Variants in STAT3 observed in about 807,000 individuals in gnomAD.
STAT3 encodes the protein signal transducer and activator of transcription 3, also known as DNA-binding protein APRF.
A neutral mutation model predicts 114.3 loss-of-function variants in STAT3; 7 were observed. The observed-to-expected ratio is 0.06, with a 90% CI of 0.03 to 0.11. The LOEUF is 0.11. STAT3 is among the 10% of genes least tolerant of loss of function. The probability of loss-of-function intolerance (pLI) is 1.00; values close to 1 mark genes in which losing one functional copy is unlikely to be tolerated. For synonymous variants in STAT3, 331 were observed against 354.5 expected (o/e 0.93, Z 0.74); for missense variants, 364 against 960.9 (o/e 0.38, Z 8.21).
At chr17:42,326,345 A>C (rs1316068781) in intron 14 of STAT3, 146 bp from the exon 15 acceptor site, 1 of 692,334 alleles carries the variant, frequency 1.4e-6, no homozygotes, top group East Asian at 2.9e-5. Flanking sequence ...CCATCTCTGC[A>C]AAAAATACAA....
intron 1 of STAT3, among the ~76,000 whole-genome samples, chr17:42,364,519 CTATG>C (rs1285100809): frequency 1.3e-5 from 2 of 152,158 alleles, no homozygotes; most frequent in African/African-American, 4.8e-5. Flanking sequence ...ATCTAAAATG[CTATG>C]TAAGTCATTA....
chr17:42,373,958 AAAT>A (rs2145290022), intron 1 of STAT3: 1 of 152,340 alleles, frequency 6.6e-6, no homozygotes, highest in East Asian at 1.9e-4. Context: ...CATAAAGTTT[AAAT>A]AATAGTCAAG....
At chr17:42,315,892 C>T in intron 23 of STAT3, 92 bp from the exon 24 acceptor site, 1 of 1,607,354 alleles carries the variant, frequency 6.2e-7, no homozygotes. Flanking sequence ...AGGGCCCAGG[C>T]TACCACTGCT....
At chr17:42,356,360 G>A (rs1230183166) in intron 1 of STAT3, among the ~76,000 whole-genome samples, 1 of 151,950 alleles carries the variant, frequency 6.6e-6, no homozygotes, top group East Asian at 1.9e-4. Flanking sequence ...GAGGCTGAGG[G>A]GGGAGGATCA....
chr17:42,325,917 C>T (rs1454463754), intron 15 of STAT3, among the ~76,000 whole-genome samples, 199 bp downstream of exon 15: 1 of 152,206 alleles, frequency 6.6e-6, no homozygotes, highest in Non-Finnish European at 1.5e-5. Context: ...TGAATATACA[C>T]ACATCTTCTA....
chr17:42,345,535 G>A (rs1479356721), intron 4 of STAT3, 24 bp downstream of exon 4: 1 of 1,577,628 alleles, frequency 6.3e-7, no homozygotes, highest in African/African-American at 1.4e-5. Context: ...CCAGACCAGG[G>A]ATTTGTTTTG....
At chr17:42,366,927 G>A (rs952510290) in intron 1 of STAT3, among the ~76,000 whole-genome samples, 81 of 152,126 alleles carry the variant, frequency 5.3e-4, no homozygotes, top group Non-Finnish European at 8.8e-4. Context: ...GATAAATTAA[G>A]GTCAGGAGTT....
intron 8 of STAT3, among the ~76,000 whole-genome samples, chr17:42,336,363 C>T (rs532343080): frequency 2.0e-5 from 3 of 152,126 alleles, no homozygotes; most frequent in South Asian, 2.1e-4. Context: ...TTTGAGAGGC[C>T]GAAGTGGGAT....
chr17:42,379,784 A>G (rs908788037), intron 1 of STAT3, among the ~76,000 whole-genome samples: 3 of 152,212 alleles, frequency 2.0e-5, no homozygotes, highest in African/African-American at 7.2e-5. Flanking sequence ...GAGATTTATC[A>G]GAAGGGCATT....
chr17:42,327,854 T>A (rs1352508536), intron 14 of STAT3, among the ~76,000 whole-genome samples: 1 of 152,140 alleles, frequency 6.6e-6, no homozygotes, highest in African/African-American at 2.4e-5. Flanking sequence ...AAGACCAGCC[T>A]GACCAATATG....
intron 1 of STAT3, among the ~76,000 whole-genome samples, chr17:42,373,783 G>A (rs1242558089): frequency 6.6e-6 from 1 of 151,308 alleles, no homozygotes; most frequent in Non-Finnish European, 1.5e-5. Flanking sequence ...TAGTCAGGAG[G>A]CTGAGGCAGG....
intron 14 of STAT3, among the ~76,000 whole-genome samples, chr17:42,327,355 A>G (rs1022316348): frequency 2.6e-5 from 4 of 152,154 alleles, no homozygotes; most frequent in Non-Finnish European, 5.9e-5. Context: ...ACATTTGTGA[A>G]CCTTACACTT....
At chr17:42,345,427 T>C in intron 4 of STAT3, 132 bp downstream of exon 4, 1 of 773,222 alleles carries the variant, frequency 1.3e-6, no homozygotes, top group Non-Finnish European at 2.1e-6. Flanking sequence ...TTTTTCAATG[T>C]ATTTTTATGA....
At chr17:42,366,603 G>A (rs778531115) in intron 1 of STAT3, among the ~76,000 whole-genome samples, 43 of 150,786 alleles carry the variant, frequency 2.9e-4, no homozygotes, top group Non-Finnish European at 4.9e-4. Flanking sequence ...CCCAGGAGGC[G>A]GAGGTTGTAG....
At chr17:42,347,129 G>C (rs969038543) in intron 2 of STAT3, among the ~76,000 whole-genome samples, 8 of 147,638 alleles carry the variant, frequency 5.4e-5, no homozygotes, top group Non-Finnish European at 7.4e-5. Flanking sequence ...CAGAGGTGCA[G>C]TGAGCCGAGA....
At chr17:42,365,462 G>C (rs371780699) in intron 1 of STAT3, among the ~76,000 whole-genome samples, 1 of 152,018 alleles carries the variant, frequency 6.6e-6, no homozygotes, top group Non-Finnish European at 1.5e-5. Flanking sequence ...CGGCATCTTC[G>C]AACATAGTCA....
Position 42,315,555 on chromosome 17 carries a change from C to G in STAT3, c.*190G>C. ...TGCATTTAGATAAAAGCAGATCACC[C>G]ACATTCACTCATTTCTCTATTTTTA... On this transcript the variant is annotated 3_prime_UTR_variant, in exon 24 of 24. Transcript: ENST00000264657. 2 of 653,062 alleles carry G rather than the reference C, an allele frequency of 3.1e-6. No individual in the cohort carries two copies. The highest frequency in any genetic ancestry group is 5.5e-6 in the Non-Finnish European group (2 of 364,956). 40.5% of individuals were successfully genotyped at this position (653,062 alleles called of 1,614,324 possible).
At chr17:42,384,218 T>C (rs1326365491) in intron 1 of STAT3, among the ~76,000 whole-genome samples, 2 of 149,222 alleles carry the variant, frequency 1.3e-5, no homozygotes, top group African/African-American at 4.9e-5. Flanking sequence ...AAGCTCCGCC[T>C]CCCGAGTTCA....
rs142076623 is a variant in STAT3 at position 42,328,342 on chromosome 17, G to A, written c.1281+1068C>T. 1.8e-3 allele frequency among the ~76,000 whole-genome samples: 267 copies of A among 152,008 alleles called. 2 individuals are homozygous for A. Among genetic ancestry groups the A allele is most frequent in the African/African-American group, 6.2e-3 (256 of 41,480 alleles). ...GTCATGTACATTTTCCCATATCATT[G>A]CATACAGGCTACTTCACTCTACTGT... On this transcript the variant is annotated intron_variant, in intron 14 of 23. Transcript: ENST00000264657.
Sources: allele counts gnomAD v4.1 joint callset (sites outside exome capture counted in the v4.1 genomes callset), GRCh38; gene constraint gnomAD v4.1.1; transcripts MANE v1.5; gene names NCBI Gene and HGNC (gene_info 2026-07-23, HGNC 2026-07-21).